Variants in FGD6 observed in about 807,000 individuals in gnomAD.
FGD6 encodes FYVE, RhoGEF and PH domain-containing protein 6.
A neutral mutation model predicts 149.4 loss-of-function variants in FGD6; 90 were observed. That is an observed-to-expected ratio of 0.60 (90% CI 0.51 to 0.72). FGD6 has a LOEUF of 0.72. FGD6 is among the 30% of genes least tolerant of loss of function. FGD6 has a pLI of 0.00. For synonymous variants in FGD6, 527 were observed against 584.0 expected (o/e 0.90, Z 1.41); for missense variants, 1,437 against 1,684.8 (o/e 0.85, Z 2.57).
rs2056713807 is a variant in FGD6, at chr12:95,209,700, T to C, written c.1584A>G (p.Glu528=). The C allele has an allele frequency of 6.2e-7, 1 of 1,613,898 alleles. No individual in the cohort carries two copies. The highest frequency in any genetic ancestry group is 8.5e-7 in the Non-Finnish European group (1 of 1,180,018). ...LLEKSSYPSS[E]EKSSEKSLER... is the part of the protein sequence containing the mutation. ...CTAGACTCTTCTCTGAACTTTTTTC[T>C]TCACTTGAAGGATAAGAACTTTTTT... is the stretch of plus-strand genomic sequence containing the variant. The change falls in exon 2 of 21, where the codon GAA becomes GAG. Residue 528 remains glutamate, a synonymous_variant. Transcript: ENST00000343958.
chr12:95,175,311 A>T (rs528206129), intron 2 of FGD6, among the ~76,000 whole-genome samples: 2 of 152,344 alleles, frequency 1.3e-5, no homozygotes, highest in South Asian at 2.1e-4. Context: ...ACAGCCCAAC[A>T]CACAAGAGAC....
Position 95,089,675 on chromosome 12 carries a change from A to G in FGD6, c.3872T>C (p.Ile1291Thr), listed in dbSNP as rs769776957. ...QKLDHQHSPR[I>T]GSPGNHKSPS... ...AGATTTGTGATTTCCAGGAGATCCA[A>G]TCCTAGGGGAGTGCTGGTGATCTAG... Residue 1291 changes from isoleucine (I) to threonine (T), a missense_variant, in exon 18 of 21, where the codon ATT becomes ACT. Ile to Thr is a moderately conservative substitution (Grantham distance 89). Coordinates refer to ENST00000343958, the MANE Select transcript of FGD6 (RefSeq NM_018351.4). The G allele has an allele frequency of 1.6e-5, 26 of 1,613,704 alleles. No homozygotes were observed. Among genetic ancestry groups the G allele is most frequent in the East Asian group, 2.2e-5 (1 of 44,876 alleles).
chr12:95,164,542 T>C (rs191242019), intron 3 of FGD6, among the ~76,000 whole-genome samples: 2 of 152,238 alleles, frequency 1.3e-5, no homozygotes, highest in Admixed American at 6.6e-5. Flanking sequence ...GCAATTCTCC[T>C]GCTTCAGTCT....
At chr12:95,127,043 A>G (rs10859836) in intron 8 of FGD6, among the ~76,000 whole-genome samples, 133,739 of 152,182 alleles carry the variant, frequency 0.88, 59,120 homozygotes, top group African/African-American at 0.97. Flanking sequence ...GGTTGGAACT[A>G]CCTTATATCA....
intron 7 of FGD6, among the ~76,000 whole-genome samples, chr12:95,136,478 C>A (rs536649068): frequency 1.3e-5 from 2 of 152,164 alleles, no homozygotes; most frequent in African/African-American, 4.8e-5. Context: ...AAATACAGTA[C>A]GCAAATTTTA....
chr12:95,111,042 G>A (rs1030548411), intron 9 of FGD6, among the ~76,000 whole-genome samples: 11 of 152,090 alleles, frequency 7.2e-5, no homozygotes, highest in African/African-American at 2.2e-4. Flanking sequence ...CAGTGCAGTC[G>A]CGGGATCTCG....
intron 3 of FGD6, among the ~76,000 whole-genome samples, chr12:95,163,842 A>G (rs1255674370): frequency 6.6e-6 from 1 of 152,246 alleles, no homozygotes; most frequent in Non-Finnish European, 1.5e-5. Context: ...AAATAAGTCA[A>G]TGGATTATAA....
intron 3 of FGD6, among the ~76,000 whole-genome samples, chr12:95,157,187 T>G (rs1880497197): frequency 2.0e-5 from 3 of 152,246 alleles, no homozygotes; most frequent in Admixed American, 6.5e-5. Context: ...TCTTACAGTT[T>G]GTGTATATTT....
intron 2 of FGD6, among the ~76,000 whole-genome samples, chr12:95,178,692 TCA>T (rs1881199206): frequency 6.6e-6 from 1 of 152,220 alleles, no homozygotes; most frequent in Non-Finnish European, 1.5e-5. Context: ...TATCTCAATT[TCA>T]GTTTTTAAAA....
intron 5 of FGD6, among the ~76,000 whole-genome samples, chr12:95,149,311 T>A (rs1455315166): frequency 2.6e-5 from 2 of 75,524 alleles, no homozygotes; most frequent in South Asian, 3.2e-4. Context: ...TATATTATAT[T>A]ATATAGCATA....
chr12:95,126,349 C>A, intron 8 of FGD6: 2 of 1,553,838 alleles, frequency 1.3e-6, no homozygotes, highest in Non-Finnish European at 1.7e-6. Flanking sequence ...AAAGCTCCAG[C>A]CCAGAAAGCC....
intron 15 of FGD6, among the ~76,000 whole-genome samples, chr12:95,093,486 C>G (rs1179457603): frequency 6.6e-6 from 1 of 151,900 alleles, no homozygotes; most frequent in African/African-American, 2.4e-5. Context: ...TCAAGACCAG[C>G]CTGACCAACA....
chr12:95,131,550 A>G (rs1465548676), intron 8 of FGD6, among the ~76,000 whole-genome samples: 1 of 152,150 alleles, frequency 6.6e-6, no homozygotes, highest in Non-Finnish European at 1.5e-5. Context: ...GGAGAACTGA[A>G]GCAATCAGAG....
intron 1 of FGD6, among the ~76,000 whole-genome samples, chr12:95,216,530 G>A (rs1009152274): frequency 1.3e-5 from 2 of 152,114 alleles, no homozygotes; most frequent in African/African-American, 4.8e-5. Context: ...GTCTAGAATT[G>A]CTGAAAATCC....
chr12:95,157,566 CAAAA>C (rs71078615), intron 3 of FGD6, among the ~76,000 whole-genome samples: 2 of 113,304 alleles, frequency 1.8e-5, no homozygotes, highest in Non-Finnish European at 3.5e-5. Flanking sequence ...AACTCTGTCT[CAAAA>C]AAAAAAAAAA....
chr12:95,175,067 A>G (rs1163995564), intron 2 of FGD6, among the ~76,000 whole-genome samples: 1 of 152,194 alleles, frequency 6.6e-6, no homozygotes, highest in African/African-American at 2.4e-5. Flanking sequence ...TAGGGATACA[A>G]GAGGGATTAA....
At position 95,188,382 on chromosome 12, in the gene FGD6, C is replaced by CGTGT. The variant is rs71078619; in HGVS notation, c.2442-15642_2442-15639dup. ...ATAAGCAGATGGGCAAAGCACCATC[C>CGTGT]GTGTGTGTGTGTGTGTAGAGGACAT... is the stretch of plus-strand genomic sequence containing the variant. On this transcript the variant is annotated intron_variant, in intron 2 of 20. Transcript: ENST00000343958. 3.1e-3 allele frequency among the ~76,000 whole-genome samples: 470 copies of CGTGT among 150,910 alleles called. 1 individual carries two copies. Among genetic ancestry groups the CGTGT allele is most frequent in the Middle Eastern group, 0.014 (4 of 294 alleles).
intron 16 of FGD6, among the ~76,000 whole-genome samples, chr12:95,092,394 T>C (rs1878086227): frequency 6.6e-6 from 1 of 152,176 alleles, no homozygotes; most frequent in East Asian, 1.9e-4. Context: ...GCAGTTTAAA[T>C]AATAGCTGTA....
chr12:95,090,967 T>C (rs556842066), intron 17 of FGD6, among the ~76,000 whole-genome samples: 1 of 152,228 alleles, frequency 6.6e-6, no homozygotes, highest in Non-Finnish European at 1.5e-5. Flanking sequence ...CCTGGCGTGG[T>C]CACGCGTGCC....
Sources: allele counts gnomAD v4.1 joint callset (sites outside exome capture counted in the v4.1 genomes callset), GRCh38; gene constraint gnomAD v4.1.1; transcripts MANE v1.5; gene names NCBI Gene and HGNC (gene_info 2026-07-23, HGNC 2026-07-21).